Variants in TOPAZ1 observed in about 807,000 individuals in gnomAD.
TOPAZ1 encodes testis and ovary specific TOPAZ 1, also known as protein TOPAZ1.
Under a neutral mutation model 172.2 loss-of-function variants are expected in TOPAZ1, and 66 were observed. The ratio of observed to expected loss-of-function variants is 0.38; its 90% CI spans 0.31 to 0.47. The LOEUF is 0.47. Among genes scored for constraint, TOPAZ1 ranks in the 20% least tolerant of loss-of-function variants. The pLI, the probability that TOPAZ1 is intolerant of heterozygous loss-of-function variation, is 0.99. For synonymous variants in TOPAZ1, 681 were observed against 683.9 expected (o/e 1.00, Z 0.07); for missense variants, 1,822 against 1,972.4 (o/e 0.92, Z 1.44).
intron 16 of TOPAZ1, among the ~76,000 whole-genome samples, chr3:44,317,238 T>C (rs1240467714): frequency 6.6e-6 from 1 of 152,164 alleles, no homozygotes; most frequent in Non-Finnish European, 1.5e-5. Context: ...CTGGCCAATG[T>C]GGTGAAACCC....
chr3:44,302,986 G>A (rs1369362872), intron 12 of TOPAZ1, among the ~76,000 whole-genome samples: 1 of 152,038 alleles, frequency 6.6e-6, no homozygotes, highest in Non-Finnish European at 1.5e-5. Flanking sequence ...GGTACTACAG[G>A]TGCATGCCAC....
intron 12 of TOPAZ1, among the ~76,000 whole-genome samples, chr3:44,303,273 G>C (rs890626979): frequency 2.0e-5 from 3 of 152,086 alleles, no homozygotes; most frequent in Non-Finnish European, 4.4e-5. Context: ...TGAACTCATA[G>C]TTAGGTATTA....
chr3:44,241,931 G>A lies in TOPAZ1; in HGVS notation c.-123G>A, dbSNP rs570913989. ...CTTCCGCTTCCGGCCCCGGGCTGTG[G>A]TGACTGGCGGTGTGGGGTGGGTCAG... On this transcript the variant is annotated 5_prime_UTR_variant, in exon 1 of 20. It adds an upstream start codon to the 5' untranslated region. Coordinates refer to ENST00000309765, the MANE Select transcript of TOPAZ1 (RefSeq NM_001145030.2). The A allele has an allele frequency of 6.8e-5, 63 of 922,620 alleles. 1 individual carries two copies. In the South Asian group the frequency reaches 1.0e-3, roughly 15 times the overall value. The allele number at this position is 922,620 out of a possible 1,614,324, so 57.2% of individuals were successfully genotyped here.
intron 4 of TOPAZ1, among the ~76,000 whole-genome samples, chr3:44,261,650 T>C (rs983545371): frequency 6.6e-6 from 1 of 152,192 alleles, no homozygotes; most frequent in African/African-American, 2.4e-5. Context: ...TCTTTTTGAG[T>C]TTCATATGAA....
At chr3:44,303,479 C>CTT (rs34565826) in intron 12 of TOPAZ1, among the ~76,000 whole-genome samples, 16 of 109,922 alleles carry the variant, frequency 1.5e-4, no homozygotes, top group African/African-American at 2.5e-4. Flanking sequence ...TGCTTGCTTG[C>CTT]TTTTTTTTTT....
At chr3:44,321,334 C>A in intron 17 of TOPAZ1, 143 bp downstream of exon 17, 2 of 607,572 alleles carry the variant, frequency 3.3e-6, no homozygotes, top group Non-Finnish European at 2.7e-6. Flanking sequence ...AAAATATGTT[C>A]TCTGCAAATT....
chr3:44,273,847 A>C (rs1699923569), intron 8 of TOPAZ1, among the ~76,000 whole-genome samples: 1 of 152,192 alleles, frequency 6.6e-6, no homozygotes, highest in African/African-American at 2.4e-5. Context: ...TAGATAGGCA[A>C]ATTATTAATT....
chr3:44,313,617 CAA>C (rs63007860), intron 16 of TOPAZ1, among the ~76,000 whole-genome samples: 17,652 of 99,572 alleles, frequency 0.18, 1,245 homozygotes, highest in African/African-American at 0.27. Context: ...GACTCTGTCT[CAA>C]AAAAAAAAAA....
At chr3:44,281,136 C>G (rs1197382620) in intron 8 of TOPAZ1, among the ~76,000 whole-genome samples, 3 of 152,216 alleles carry the variant, frequency 2.0e-5, no homozygotes, top group Admixed American at 6.5e-5. Flanking sequence ...GGGAGCCTCT[C>G]TAACTCCACT....
At chr3:44,247,889 G>T (rs1699584334) in intron 2 of TOPAZ1, among the ~76,000 whole-genome samples, 1 of 152,148 alleles carries the variant, frequency 6.6e-6, no homozygotes, top group African/African-American at 2.4e-5. Flanking sequence ...GATGTCAAGT[G>T]ATCTGCCTGC....
At position 44,242,022 on chromosome 3, in the gene TOPAZ1, A is replaced by C; in HGVS notation, c.-32A>C. 2.6e-6 allele frequency: 4 copies of C among 1,531,684 alleles called. No homozygotes were observed. Among genetic ancestry groups the C allele is most frequent in the Non-Finnish European group, 2.6e-6 (3 of 1,141,698 alleles). 94.9% of individuals were successfully genotyped at this position (1,531,684 alleles called of 1,614,324 possible). On this transcript the variant is annotated 5_prime_UTR_variant, in exon 1 of 20. Coordinates refer to ENST00000309765, the MANE Select transcript of TOPAZ1 (RefSeq NM_001145030.2). ...GCGGTGGGTTCCTGCGAGCTGGTGC[A>C]GAGGGGCCCCAGCGGGCCGGCCCCG... is the stretch of plus-strand genomic sequence containing the variant.
intron 2 of TOPAZ1, among the ~76,000 whole-genome samples, chr3:44,254,736 A>G (rs1346872393): frequency 6.6e-6 from 1 of 152,076 alleles, no homozygotes; most frequent in Non-Finnish European, 1.5e-5. Context: ...CTCAGTAACA[A>G]AGTTTGAGTG....
intron 14 of TOPAZ1, among the ~76,000 whole-genome samples, chr3:44,306,029 C>A (rs929103530): frequency 6.6e-6 from 1 of 152,192 alleles, no homozygotes; most frequent in Non-Finnish European, 1.5e-5. Context: ...TTGACCTGAG[C>A]TCTTTACTAC....
intron 2 of TOPAZ1, among the ~76,000 whole-genome samples, chr3:44,251,444 AG>A (rs1699629428): frequency 6.6e-6 from 1 of 152,216 alleles, no homozygotes; most frequent in Non-Finnish European, 1.5e-5. Context: ...CTTGGGCAAT[AG>A]TTTTCAAACA....
chr3:44,311,713 A>G (rs1700399417), intron 16 of TOPAZ1, among the ~76,000 whole-genome samples: 2 of 152,180 alleles, frequency 1.3e-5, no homozygotes, highest in Non-Finnish European at 2.9e-5. Context: ...GAATTTTTTA[A>G]TTCTTAAAAG....
intron 15 of TOPAZ1, among the ~76,000 whole-genome samples, chr3:44,308,143 C>T (rs1391953974): frequency 2.0e-5 from 3 of 151,654 alleles, no homozygotes; most frequent in Non-Finnish European, 2.9e-5. Context: ...GGGGTGATGG[C>T]GCTAATCGGG....
chr3:44,290,778 A>G lies in TOPAZ1; in HGVS notation c.3689A>G (p.Glu1230Gly). The change falls in exon 12 of 20, where the codon GAA becomes GGA. Residue 1230 changes from glutamate to glycine, a missense_variant. Around this residue, in one of 2 missense-constraint regions of TOPAZ1, gnomAD observed 1,489 missense variants for 1,490.8 expected, o/e 1.00. Transcript: ENST00000309765. ...TTCTTTTCTCTTCTACAGCTTGTTG[A>G]AGCCGGGATGGTGCTTGACCCAGAG... The part of the protein sequence containing the change: ...ALIDIFCKLV[E>G]AGMVLDPEHF... The G allele has an allele frequency of 1.3e-6, 2 of 1,543,918 alleles. No homozygotes were observed. Among genetic ancestry groups the G allele is most frequent in the Non-Finnish European group, 1.7e-6 (2 of 1,143,908 alleles).
chr3:44,262,445 C>A lies in TOPAZ1; in HGVS notation c.2982C>A (p.Thr994=). 12 of 1,487,956 alleles carry A rather than the reference C, an allele frequency of 8.1e-6. No individual in the cohort carries two copies. The highest frequency in any genetic ancestry group is 1.1e-5 in the Non-Finnish European group (12 of 1,094,634). 92.2% of individuals were successfully genotyped at this position (1,487,956 alleles called of 1,614,324 possible). A position where few individuals can be genotyped will look rare whatever the true frequency, so the allele number is the denominator to read the frequency against. The part of the protein sequence containing the change: ...EKHRFTDKVI[T]KEEKENIYEV... ...ATAGATTTACAGACAAAGTGATTAC[C>A]AAAGAAGAAAAAGAAAATATTTATG... The change falls in exon 5 of 20, where the codon ACC becomes ACA. Residue 994 remains threonine, a synonymous_variant. Transcript: ENST00000309765.
chr3:44,320,561 G>T (rs1700497413), intron 16 of TOPAZ1, among the ~76,000 whole-genome samples: 1 of 151,966 alleles, frequency 6.6e-6, no homozygotes, highest in African/African-American at 2.4e-5. Context: ...TTGCGCCACT[G>T]CACTGCACTC....
Sources: gnomAD v4.1 joint callset for allele counts (sites outside exome capture counted in the v4.1 genomes callset) on GRCh38, gnomAD v4.1.1 for gene constraint, gnomAD v4.1.1 regional missense constraint, MANE v1.5 for transcripts, NCBI Gene and HGNC (gene_info 2026-07-23, HGNC 2026-07-21) for gene names.